The following RNF169 variants were observed in gnomAD, a reference collection of about 807,000 sequenced individuals.
RNF169 encodes E3 ubiquitin-protein ligase RNF169.
In RNF169, 24 loss-of-function variants were observed where a neutral mutation model predicts 53.9. The ratio of observed to expected loss-of-function variants is 0.45; its 90% confidence interval spans 0.32 to 0.63. RNF169 has a LOEUF of 0.63. Among genes scored for constraint, RNF169 ranks in the 20% least tolerant of loss-of-function variants. The pLI, the probability that RNF169 is intolerant of heterozygous loss-of-function variation, is 0.04. For synonymous variants in RNF169, 396 were observed against 363.5 expected (o/e 1.09, Z -1.02); for missense variants, 883 against 906.2 (o/e 0.97, Z 0.33).
Position 74,780,569 on chromosome 11 carries a change from C to T in RNF169, c.503-9057C>T, listed in dbSNP as rs143187816. ...TTCCTCAGATTTACTTATGTATGCA[C>T]GCTTGCCTTATGATGTGCATCATTT... On this transcript the variant is annotated intron_variant, in intron 1 of 5. Transcript: ENST00000299563. Among the ~76,000 whole-genome samples, 470 of 152,270 alleles carry T rather than the reference C, an allele frequency of 3.1e-3. 5 individuals carry two copies. The highest frequency in any genetic ancestry group is 0.025 in the Admixed American group (379 of 15,300).
chr11:74,755,206 T>C (rs2034963362), intron 1 of RNF169, among the ~76,000 whole-genome samples: 1 of 152,220 alleles, frequency 6.6e-6, no homozygotes, highest in African/African-American at 2.4e-5. Flanking sequence ...ACATTTGCCT[T>C]GTGCTAAGAT....
chr11:74,762,461 G>A (rs981608006), intron 1 of RNF169, among the ~76,000 whole-genome samples: 1 of 152,144 alleles, frequency 6.6e-6, no homozygotes, highest in Non-Finnish European at 1.5e-5. Context: ...TTTGATGATG[G>A]TGATGTACAG....
intron 3 of RNF169, among the ~76,000 whole-genome samples, chr11:74,816,756 T>C (rs2035946001): frequency 6.6e-6 from 1 of 152,134 alleles, no homozygotes. Flanking sequence ...GTAGTTTGGT[T>C]GTACTAGAGC....
At chr11:74,815,767 TAAAGC>T (rs924633624) in intron 3 of RNF169, among the ~76,000 whole-genome samples, 13 of 152,268 alleles carry the variant, frequency 8.5e-5, no homozygotes, top group African/African-American at 3.1e-4. Context: ...CTCAGGAAGA[TAAAGC>T]AACAACTAAC....
chr11:74,781,547 G>A (rs755576860), intron 1 of RNF169, among the ~76,000 whole-genome samples: 1 of 152,154 alleles, frequency 6.6e-6, no homozygotes, highest in African/African-American at 2.4e-5. Flanking sequence ...GAACATTCTT[G>A]TATGTATATA....
intron 2 of RNF169, among the ~76,000 whole-genome samples, chr11:74,796,494 T>G (rs2035651401): frequency 6.6e-6 from 1 of 152,222 alleles, no homozygotes; most frequent in Non-Finnish European, 1.5e-5. Context: ...CTAAAAAATG[T>G]TATTTATTGG....
At chr11:74,824,148 C>T (rs998038030) in intron 4 of RNF169, among the ~76,000 whole-genome samples, 12 of 151,958 alleles carry the variant, frequency 7.9e-5, no homozygotes, top group African/African-American at 2.9e-4. Context: ...GGGCAAAGAA[C>T]TAAAGGAAAC....
chr11:74,787,874 C>A (rs1591405705), intron 1 of RNF169, among the ~76,000 whole-genome samples: 1 of 152,130 alleles, frequency 6.6e-6, no homozygotes, highest in East Asian at 1.9e-4. Flanking sequence ...TTTCAATAGT[C>A]TCTGGAGATT....
At chr11:74,772,243 C>A (rs371038711) in intron 1 of RNF169, among the ~76,000 whole-genome samples, 4 of 152,244 alleles carry the variant, frequency 2.6e-5, no homozygotes, top group South Asian at 4.1e-4. Context: ...AATTTGAAAT[C>A]AGAAAATCTG....
chr11:74,758,846 A>G (rs1385902890), intron 1 of RNF169, among the ~76,000 whole-genome samples: 1 of 151,332 alleles, frequency 6.6e-6, no homozygotes, highest in African/African-American at 2.4e-5. Context: ...TTCTGTGAAG[A>G]AAGTCATTGG....
chr11:74,799,478 TTAGAA>T (rs1404712892), intron 2 of RNF169, among the ~76,000 whole-genome samples: 1 of 152,146 alleles, frequency 6.6e-6, no homozygotes, highest in Non-Finnish European at 1.5e-5. Flanking sequence ...TCAAATTCAA[TTAGAA>T]TAGCAGGTTA....
intron 2 of RNF169, among the ~76,000 whole-genome samples, chr11:74,806,290 G>C (rs2035804710): frequency 6.6e-6 from 1 of 152,210 alleles, no homozygotes; most frequent in East Asian, 1.9e-4. Context: ...AAATAATGCA[G>C]TGCCAATATA....
At chr11:74,775,279 A>AT (rs1314428724) in intron 1 of RNF169, among the ~76,000 whole-genome samples, 5 of 152,206 alleles carry the variant, frequency 3.3e-5, no homozygotes, top group African/African-American at 1.2e-4. Context: ...GATCTTATAC[A>AT]TTAATAGGGA....
At chr11:74,761,806 A>G (rs1283084688) in intron 1 of RNF169, among the ~76,000 whole-genome samples, 2 of 145,944 alleles carry the variant, frequency 1.4e-5, no homozygotes, top group African/African-American at 5.1e-5. Context: ...CTCGAGGAGT[A>G]TCTTTGTGGC....
chr11:74,754,725 C>T (rs901971996), intron 1 of RNF169, among the ~76,000 whole-genome samples: 1 of 152,200 alleles, frequency 6.6e-6, no homozygotes, highest in African/African-American at 2.4e-5. Flanking sequence ...GAGGCTGAGG[C>T]AGGAGATTCG....
intron 1 of RNF169, among the ~76,000 whole-genome samples, chr11:74,772,297 C>G (rs1372761011): frequency 6.6e-6 from 1 of 152,146 alleles, no homozygotes; most frequent in Non-Finnish European, 1.5e-5. Context: ...TTGACCGTGA[C>G]AAAGCTGCTT....
intron 1 of RNF169, among the ~76,000 whole-genome samples, chr11:74,762,071 T>C (rs2035093329): frequency 1.4e-5 from 2 of 143,962 alleles, no homozygotes; most frequent in African/African-American, 5.3e-5. Context: ...CCATCGCTGA[T>C]ACCCTTTCTT....
intron 2 of RNF169, among the ~76,000 whole-genome samples, chr11:74,805,339 T>C (rs189854787): frequency 6.6e-6 from 1 of 152,256 alleles, no homozygotes; most frequent in African/African-American, 2.4e-5. Flanking sequence ...AGTAATCAGA[T>C]TAGTGGTAGC....
intron 1 of RNF169, among the ~76,000 whole-genome samples, chr11:74,783,040 T>C (rs1178189165): frequency 1.3e-5 from 2 of 152,022 alleles, no homozygotes; most frequent in South Asian, 2.1e-4. Context: ...AGAAAATGAA[T>C]GTACAGGGGT....
Sources: gnomAD v4.1 joint callset for allele counts (sites outside exome capture counted in the v4.1 genomes callset) on GRCh38, gnomAD v4.1.1 for gene constraint, MANE v1.5 for transcripts, NCBI Gene and HGNC (gene_info 2026-07-23, HGNC 2026-07-21) for gene names.